LAP3: variants seen among roughly 807,000 people sequenced by gnomAD.
LAP3 encodes leucine aminopeptidase 3, also known as cytosol aminopeptidase.
LAP3 carries 46 observed loss-of-function variants against 58.8 expected under a neutral mutation model. That is an observed-to-expected ratio of 0.78 (90% CI 0.62 to 1.00). The LOEUF is 1.00. Among genes scored for constraint, LAP3 ranks in the 50% least tolerant of loss-of-function variants. The pLI is 0.00. For missense variants in LAP3, 615 were observed against 659.1 expected, an observed-to-expected ratio of 0.93 and a Z score of 0.73; for synonymous variants, 257 against 237.7, an observed-to-expected ratio of 1.08 and a Z score of -0.75.
At chr4:17,597,267 G>A in intron 9 of LAP3, 133 bp downstream of exon 9, 2 of 740,254 alleles carry the variant, frequency 2.7e-6, no homozygotes, top group Non-Finnish European at 4.8e-6. Flanking sequence ...TTAGTGCTGG[G>A]TAGCCTTTCT....
chr4:17,596,737 C>T (rs186219384), intron 8 of LAP3, among the ~76,000 whole-genome samples: 76 of 152,328 alleles, frequency 5.0e-4, no homozygotes, highest in Middle Eastern at 3.4e-3. Flanking sequence ...CTGTTTTCTT[C>T]CACGGCATTA....
rs1200789971 is a variant in LAP3, at chr4:17,594,319, TTTC to T, written c.864-1085_864-1083del. On this transcript the variant is annotated intron_variant, in intron 7 of 12. Coordinates refer to ENST00000226299, the MANE Select transcript of LAP3 (RefSeq NM_015907.3). Reference sequence around the variant, plus strand: ...GTCCATGGGGTTTACCCATGTTATTTTTCTTCTTTGAGCCAGGGGATCATCTTT... The same window carrying T: ...GTCCATGGGGTTTACCCATGTTATTTTTCTTTGAGCCAGGGGATCATCTTT... 2.6e-5 allele frequency among the ~76,000 whole-genome samples: 4 copies of T among 152,200 alleles called. No individual in the cohort carries two copies. The East Asian group carries it at 5.8e-4, about 22-fold the overall frequency.
chr4:17,582,894 G>A (rs967955504), intron 4 of LAP3, among the ~76,000 whole-genome samples: 1 of 152,178 alleles, frequency 6.6e-6, no homozygotes, highest in African/African-American at 2.4e-5. Context: ...ACCGTCAAGA[G>A]CCATGATTAA....
chr4:17,584,352 TA>T (rs1713447907), intron 5 of LAP3, among the ~76,000 whole-genome samples: 1 of 152,184 alleles, frequency 6.6e-6, no homozygotes, highest in Non-Finnish European at 1.5e-5. Context: ...GCACATCAAG[TA>T]GGGGGCATGT....
intron 9 of LAP3, among the ~76,000 whole-genome samples, chr4:17,598,048 C>T (rs1245742265): frequency 6.6e-6 from 1 of 152,190 alleles, no homozygotes; most frequent in African/African-American, 2.4e-5. Context: ...TTACATTTTT[C>T]CCCTTCTTGT....
In LAP3 at chr4:17,588,952, G is replaced by A. The variant is rs146696513; in HGVS notation, c.838G>A (p.Val280Ile). The change falls in exon 7 of 13, where the codon GTT becomes ATT. Residue 280 changes from valine (V) to isoleucine (I), a missense_variant. Physicochemically the swap from Val to Ile is conservative, Grantham distance 29. Transcript: ENST00000226299. ...TGCAAACGAACCACCCCTGGTGTTT[G>A]TTGGGAAAGGAATTACCTTTGACAG... ...PNANEPPLVF[V>I]GKGITFDSGG... 1.2e-6 allele frequency: 2 copies of A among 1,614,050 alleles called. No homozygotes were observed. Among genetic ancestry groups the A allele is most frequent in the South Asian group, 2.2e-5 (2 of 91,064 alleles).
At chr4:17,601,199 G>A (rs1479630719) in intron 10 of LAP3, among the ~76,000 whole-genome samples, 1 of 152,144 alleles carries the variant, frequency 6.6e-6, no homozygotes, top group Non-Finnish European at 1.5e-5. Flanking sequence ...ATTGATCAGT[G>A]AGCATCACAA....
rs777600990 is a variant in LAP3, at chr4:17,577,474, G to A, written c.9G>A (p.Leu3=). MF[L]LPLPAAGRVV... is the part of the protein sequence containing the mutation. ...GGGGCCGAGCCGACAAGATGTTCTT[G>A]CTGCCTCTTCCGGCTGCGGGGCGAG... The change falls in exon 1 of 13, where the codon TTG becomes TTA. Residue 3 remains leucine, a synonymous_variant. Coordinates refer to ENST00000226299, the MANE Select transcript of LAP3 (RefSeq NM_015907.3). The A allele has an allele frequency of 2.2e-5, 35 of 1,577,710 alleles. No homozygotes were observed. The African/African-American group carries it at 4.5e-4, about 20-fold the overall frequency.
chr4:17,583,478 T>G lies in LAP3; in HGVS notation c.380-5T>G. 1 of 1,613,458 alleles carries G rather than the reference T, an allele frequency of 6.2e-7. No homozygotes were observed. Among genetic ancestry groups the G allele is most frequent in the East Asian group, 2.2e-5 (1 of 44,876 alleles). On this transcript the variant is annotated splice_polypyrimidine_tract_variant and splice_region_variant and intron_variant, in intron 4 of 12. Transcript: ENST00000226299. ...CCAGTTTTCTGATTCCTCTGTCTTT[T>G]CAAGCGGGGTGCAGGCAGATTCAAG...
chr4:17,595,276 G>A, intron 7 of LAP3, 134 bp from the exon 8 acceptor site: 1 of 875,208 alleles, frequency 1.1e-6, no homozygotes, highest in Non-Finnish European at 1.7e-6. Flanking sequence ...CTGACCTCGT[G>A]ATCCGCCCAC....
intron 11 of LAP3, 117 bp downstream of exon 11, chr4:17,604,784 T>A: frequency 2.6e-6 from 2 of 774,292 alleles, no homozygotes; most frequent in Non-Finnish European, 2.1e-6. Context: ...CAGGTTTGCC[T>A]TTGAATTGAA....
intron 7 of LAP3, among the ~76,000 whole-genome samples, chr4:17,595,205 A>AT (rs1713798957): frequency 6.7e-6 from 1 of 148,468 alleles, no homozygotes; most frequent in Admixed American, 6.8e-5. Flanking sequence ...CACCCGGCTA[A>AT]TTTTTTTGTA....
Position 17,606,908 on chromosome 4 carries a change from T to C in LAP3, c.1340T>C (p.Leu447Pro). The C allele has an allele frequency of 6.2e-7, 1 of 1,612,792 alleles. No homozygotes were observed. Among genetic ancestry groups the C allele is most frequent in the Non-Finnish European group, 8.5e-7 (1 of 1,179,192 alleles). Residue 447 changes from leucine to proline, a missense_variant, in exon 12 of 13, where the codon CTT becomes CCT. Physicochemically the swap from Leu to Pro is moderately conservative, Grantham distance 98. Coordinates refer to ENST00000226299, the MANE Select transcript of LAP3 (RefSeq NM_015907.3). Reference protein sequence around the residue: ...HYTRQVVDCQLADVNNIGKYR... With the variant: ...HYTRQVVDCQPADVNNIGKYR... ...ACAAGACAGGTTGTAGATTGCCAGC[T>C]TGCTGATGTTAACAACATTGGAAAA...
chr4:17,589,393 G>C (rs1713619224), intron 7 of LAP3, among the ~76,000 whole-genome samples: 1 of 151,964 alleles, frequency 6.6e-6, no homozygotes, highest in Non-Finnish European at 1.5e-5. Flanking sequence ...CATGGTGTTT[G>C]GTTGAAGGTA....
In LAP3 at chr4:17,607,647, G is replaced by T; in HGVS notation, c.*58G>T. ...TAAATTGGACAGTTGAACTTAAAAG[G>T]TTTTTGAATAAATGGATGAAAATCT... is the stretch of plus-strand genomic sequence containing the variant. On this transcript the variant is annotated 3_prime_UTR_variant, in exon 13 of 13. Coordinates refer to ENST00000226299, the MANE Select transcript of LAP3 (RefSeq NM_015907.3). 1 of 1,285,896 alleles carries T rather than the reference G, an allele frequency of 7.8e-7. No homozygotes were observed. The highest frequency in any genetic ancestry group is 1.1e-6 in the Non-Finnish European group (1 of 949,630). The allele number at this position is 1,285,896 out of a possible 1,614,324, so 79.7% of individuals were successfully genotyped here. A position where few individuals can be genotyped will look rare whatever the true frequency, so the allele number is the denominator to read the frequency against.
At chr4:17,603,826 CTTTCTTTCTT>C (rs766396232) in intron 10 of LAP3, among the ~76,000 whole-genome samples, 2 of 138,292 alleles carry the variant, frequency 1.4e-5, no homozygotes, top group East Asian at 2.1e-4. Flanking sequence ...TTTTTTTTTT[CTTTCTTTCTT>C]TTTTTTTTGA....
intron 4 of LAP3, 97 bp downstream of exon 4, chr4:17,582,490 ACC>A: frequency 1.2e-6 from 1 of 825,732 alleles, no homozygotes; most frequent in African/African-American, 1.7e-5. Context: ...GCCACCCCTT[ACC>A]ACGTTCACAC....
At chr4:17,580,800 G>A (rs1034889373) in intron 2 of LAP3, among the ~76,000 whole-genome samples, 1 of 152,178 alleles carries the variant, frequency 6.6e-6, no homozygotes, top group African/African-American at 2.4e-5. Context: ...CCTGATGGTA[G>A]GGAAACATTG....
rs765023299 is a variant in LAP3 at position 17,598,490 on chromosome 4, T to C, written c.1112T>C (p.Leu371Pro). 3.7e-6 allele frequency: 6 copies of C among 1,614,082 alleles called. No homozygotes were observed. The highest frequency in any genetic ancestry group is 5.1e-6 in the Non-Finnish European group (6 of 1,180,008). The change falls in exon 10 of 13, where the codon CTG (leucine) becomes CCG (proline). Residue 371 changes from leucine to proline, a missense_variant. Physicochemically the swap from Leu to Pro is moderately conservative, Grantham distance 98. Coordinates refer to ENST00000226299, the MANE Select transcript of LAP3 (RefSeq NM_015907.3). ...ACTGATGCTGAGGGGAGGCTCATACTGGCTGATGCGCTCTGTTACGCACAC... is the reference window on the plus strand; with the variant it reads ...ACTGATGCTGAGGGGAGGCTCATACCGGCTGATGCGCTCTGTTACGCACAC... ...DNTDAEGRLI[L>P]ADALCYAHTF...
Sources: gnomAD v4.1 joint callset for allele counts (sites outside exome capture counted in the v4.1 genomes callset) on GRCh38, gnomAD v4.1.1 for gene constraint, MANE v1.5 for transcripts, NCBI Gene and HGNC (gene_info 2026-07-23, HGNC 2026-07-21) for gene names.